Variants in FBXL2 observed in about 807,000 individuals in gnomAD.
FBXL2 encodes F-box/LRR-repeat protein 2.
A neutral mutation model predicts 69.2 loss-of-function variants in FBXL2; 38 were observed. The ratio of observed to expected loss-of-function variants is 0.55; its 90% CI spans 0.42 to 0.72. The LOEUF is 0.72. FBXL2 is among the 30% of genes least tolerant of loss of function. The probability of loss-of-function intolerance (pLI) is 0.00; values close to 1 mark genes in which losing one functional copy is unlikely to be tolerated. For missense variants in FBXL2, 354 were observed against 520.3 expected (o/e 0.68, Z 3.11); for synonymous variants, 192 against 201.3 (o/e 0.95, Z 0.39).
chr3:33,420,991 TC>T, the FBXL2 span, among the ~76,000 whole-genome samples: 11 of 152,330 alleles, frequency 7.2e-5, no homozygotes, highest in South Asian at 2.3e-3. Flanking sequence ...AAGGAGAAAT[TC>T]TTTTCATTTG....
chr3:33,364,939 G>A (rs1481365470), intron 5 of FBXL2, among the ~76,000 whole-genome samples: 1 of 152,120 alleles, frequency 6.6e-6, no homozygotes, highest in East Asian at 1.9e-4. Flanking sequence ...ATTTCCCCCG[G>A]CCGAGTGTCA....
intron 1 of FBXL2, among the ~76,000 whole-genome samples, chr3:33,288,564 G>A (rs2034891008): frequency 6.6e-6 from 1 of 152,204 alleles, no homozygotes; most frequent in East Asian, 1.9e-4. Flanking sequence ...TTTGAGCAGA[G>A]GATATGCCAT....
At chr3:33,406,677 C>A (rs954064831), downstream of FBXL2, among the ~76,000 whole-genome samples, 3 of 152,150 alleles carry the variant, frequency 2.0e-5, no homozygotes, top group Non-Finnish European at 4.4e-5. Flanking sequence ...GAAAAGCAAG[C>A]GATGGTGCAG....
At chr3:33,330,979 G>GTA (rs1347702213) in intron 2 of FBXL2, among the ~76,000 whole-genome samples, 2 of 150,072 alleles carry the variant, frequency 1.3e-5, no homozygotes, top group East Asian at 1.9e-4. Context: ...ATTCTATGTT[G>GTA]TATATATATA....
chr3:33,395,131 A>G (rs1224845652), intron 12 of FBXL2, among the ~76,000 whole-genome samples: 3 of 152,160 alleles, frequency 2.0e-5, no homozygotes, highest in African/African-American at 7.2e-5. Flanking sequence ...GATCTCCTTT[A>G]AATTTTTATC....
Position 33,378,166 on chromosome 3 carries a change from G to A in FBXL2, c.894+19G>A, listed in dbSNP as rs200919583. On this transcript the variant is annotated intron_variant, in intron 12 of 14. Transcript: ENST00000484457. ...CATCCTGGTGAGTGGACTCCTGACA[G>A]CCCTGCAGGGCAGCCTGCTCCTTAG... The A allele has an allele frequency of 6.2e-6, 10 of 1,612,896 alleles. No individual in the cohort carries two copies. In the East Asian group the frequency reaches 8.9e-5, roughly 14 times the overall value.
chr3:33,285,389 A>G (rs944470447), intron 1 of FBXL2, among the ~76,000 whole-genome samples: 6 of 152,170 alleles, frequency 3.9e-5, no homozygotes, highest in Admixed American at 2.6e-4. Flanking sequence ...TCTGGCTTGT[A>G]GAGTTTCTGC....
At chr3:33,409,645 TG>T in the FBXL2 span, 1 of 1,612,702 alleles carries the variant, frequency 6.2e-7, no homozygotes, top group Non-Finnish European at 8.5e-7. Flanking sequence ...GAACTTCCAC[TG>T]GTTATTTTTC....
At position 33,384,062 on chromosome 3, in the gene FBXL2, G is replaced by C. The variant is rs1300777991; in HGVS notation, c.1025G>C (p.Arg342Thr). 1 of 1,614,052 alleles carries C rather than the reference G, an allele frequency of 6.2e-7. No homozygotes were observed. The highest frequency in any genetic ancestry group is 8.5e-7 in the Non-Finnish European group (1 of 1,180,034). Residue 342 changes from arginine to threonine, a missense_variant, in exon 14 of 15, where the codon AGG (arginine) becomes ACG (threonine). Arg to Thr is a moderately conservative substitution (Grantham distance 71, BLOSUM62 -1). Transcript: ENST00000484457. ...HLSNSTCGHE[R>T]LRVLELDNCL... The stretch of plus-strand genomic sequence containing the variant: ...AGCAACAGTACCTGTGGCCATGAGA[G>C]GCTGCGGGTACTGGAGTTGGACAAC...
At chr3:33,376,428 G>A (rs2042645666) in intron 10 of FBXL2, among the ~76,000 whole-genome samples, 1 of 152,174 alleles carries the variant, frequency 6.6e-6, no homozygotes, top group African/African-American at 2.4e-5. Context: ...TACTGTTGTA[G>A]AGAAGGTACT....
intron 10 of FBXL2, among the ~76,000 whole-genome samples, chr3:33,375,643 T>C (rs2042587093): frequency 6.6e-6 from 1 of 152,122 alleles, no homozygotes; most frequent in Admixed American, 6.6e-5. Flanking sequence ...ATCCAAACTT[T>C]AATTTCTTAA....
chr3:33,342,151 C>G (rs2040076723), intron 2 of FBXL2, among the ~76,000 whole-genome samples: 1 of 151,076 alleles, frequency 6.6e-6, no homozygotes, highest in Non-Finnish European at 1.5e-5. Flanking sequence ...ACTACAGGTG[C>G]CTGATACTAC....
At chr3:33,324,315 C>G (rs915689489) in intron 2 of FBXL2, among the ~76,000 whole-genome samples, 3 of 152,140 alleles carry the variant, frequency 2.0e-5, no homozygotes, top group African/African-American at 7.2e-5. Flanking sequence ...AATTAGATCC[C>G]ATTTGTCAAT....
At chr3:33,400,312 AAGG>A in intron 12 of FBXL2, 1 of 1,533,060 alleles carries the variant, frequency 6.5e-7, no homozygotes, top group Non-Finnish European at 8.9e-7. Context: ...ACATAAATAA[AAGG>A]AACCATTCAG....
At chr3:33,285,829 C>A (rs918523760) in intron 1 of FBXL2, among the ~76,000 whole-genome samples, 1 of 152,146 alleles carries the variant, frequency 6.6e-6, no homozygotes, top group Non-Finnish European at 1.5e-5. Context: ...TTGATCAAAT[C>A]GGCTACTGAA....
chr3:33,408,444 CT>C (rs1007322898), downstream of FBXL2, among the ~76,000 whole-genome samples: 2 of 151,980 alleles, frequency 1.3e-5, no homozygotes, highest in African/African-American at 2.4e-5. Flanking sequence ...CTCTGAGTGT[CT>C]TTTTTTCCCT....
intron 5 of FBXL2, among the ~76,000 whole-genome samples, chr3:33,369,045 T>A (rs1340266484): frequency 3.4e-5 from 5 of 148,152 alleles, no homozygotes; most frequent in African/African-American, 1.3e-4. Context: ...TCTTTTTCTT[T>A]CTTCTTTTAG....
At chr3:33,395,750 GAAAAAAAAAAAAA>G (rs61654235) in intron 12 of FBXL2, among the ~76,000 whole-genome samples, 2 of 69,778 alleles carry the variant, frequency 2.9e-5, no homozygotes, top group African/African-American at 1.3e-4. Flanking sequence ...CAGGAAAATT[GAAAAAAAAAAAAA>G]AAAAAAAAAA....
intron 2 of FBXL2, among the ~76,000 whole-genome samples, chr3:33,342,873 G>A (rs183375870): frequency 2.6e-4 from 38 of 144,548 alleles, no homozygotes; most frequent in Middle Eastern, 3.6e-3. Context: ...GACTACAGGC[G>A]CCCGCCACCA....
Sources: allele counts gnomAD v4.1 joint callset (sites outside exome capture counted in the v4.1 genomes callset), GRCh38; gene constraint gnomAD v4.1.1; transcripts MANE v1.5; gene names NCBI Gene and HGNC (gene_info 2026-07-23, HGNC 2026-07-21).